The following SEC24D variants were observed in gnomAD, a reference collection of about 807,000 sequenced individuals.
The protein encoded by SEC24D is protein transport protein Sec24D.
In SEC24D, 69 loss-of-function variants were observed where a neutral mutation model predicts 116.9. The observed-to-expected ratio is 0.59, with a 90% CI of 0.49 to 0.72. The LOEUF is 0.72. Ranked by LOEUF, SEC24D falls within the 30% of genes least tolerant of loss-of-function variation. The pLI, the probability that SEC24D is intolerant of heterozygous loss-of-function variation, is 0.00. For synonymous variants in SEC24D, 405 were observed against 442.8 expected (o/e 0.91, Z 1.07); for missense variants, 1,131 against 1,264.1 (o/e 0.89, Z 1.60).
intron 14 of SEC24D, 73 bp downstream of exon 14, chr4:118,744,871 A>T (rs1450800711): frequency 1.3e-6 from 1 of 796,804 alleles, no homozygotes; most frequent in Admixed American, 2.2e-5. Context: ...CTTTTTTCTT[A>T]CATGAAGAAC....
chr4:118,723,843 C>T (rs35602545), intron 22 of SEC24D, among the ~76,000 whole-genome samples, 188 bp from the exon 23 acceptor site: 2 of 152,080 alleles, frequency 1.3e-5, no homozygotes, highest in Non-Finnish European at 2.9e-5. Flanking sequence ...ACCCCAAAAC[C>T]TAAGACATAC....
chr4:118,828,603 G>A (rs1730691898), intron 2 of SEC24D, among the ~76,000 whole-genome samples: 1 of 152,116 alleles, frequency 6.6e-6, no homozygotes. Context: ...CAATGCACAG[G>A]ATGGCACTCT....
intron 13 of SEC24D, among the ~76,000 whole-genome samples, chr4:118,749,825 G>T (rs1726734959): frequency 6.6e-6 from 1 of 152,208 alleles, no homozygotes; most frequent in Non-Finnish European, 1.5e-5. Context: ...TACTTTGCCA[G>T]CAGGGACAGC....
intron 13 of SEC24D, among the ~76,000 whole-genome samples, chr4:118,745,893 G>T (rs567859305): frequency 2.0e-5 from 3 of 152,082 alleles, no homozygotes; most frequent in Admixed American, 2.0e-4. Context: ...GAATCCTGAA[G>T]AGCTGAGCAC....
chr4:118,739,134 T>C lies in SEC24D; in HGVS notation c.2377+15A>G, dbSNP rs374040836. On this transcript the variant is annotated intron_variant, in intron 18 of 22. Transcript: ENST00000280551. Reference sequence around the variant, plus strand: ...AAGCAAGGTTTACTGAACCTCAGGATTGGCAAAGTGTTACCTGACTTGGCA... The same window carrying C: ...AAGCAAGGTTTACTGAACCTCAGGACTGGCAAAGTGTTACCTGACTTGGCA... 5 of 1,612,612 alleles carry C rather than the reference T, an allele frequency of 3.1e-6. No individual in the cohort carries two copies. The highest frequency in any genetic ancestry group is 1.3e-5 in the African/African-American group (1 of 74,880).
chr4:118,835,599 A>T (rs923265978), intron 1 of SEC24D, among the ~76,000 whole-genome samples: 11 of 152,214 alleles, frequency 7.2e-5, no homozygotes, highest in Non-Finnish European at 1.3e-4. Context: ...CCTTCCTTCA[A>T]AAAAGGAAAT....
chr4:118,789,817 C>T (rs1481581019), intron 8 of SEC24D, among the ~76,000 whole-genome samples: 4 of 152,146 alleles, frequency 2.6e-5, no homozygotes, highest in African/African-American at 4.8e-5. Flanking sequence ...ATCTCCTGAC[C>T]TCGTGATCCA....
intron 8 of SEC24D, among the ~76,000 whole-genome samples, chr4:118,790,020 T>G (rs1728827581): frequency 6.6e-6 from 1 of 152,228 alleles, no homozygotes; most frequent in Non-Finnish European, 1.5e-5. Context: ...GTACGAAAGT[T>G]AGCTGCATTC....
chr4:118,810,074 C>CTGTGTGTGTGTGTGTGTGTGTGTGTG (rs71595321), intron 6 of SEC24D, among the ~76,000 whole-genome samples: 2 of 38,620 alleles, frequency 5.2e-5, no homozygotes, highest in Admixed American at 3.1e-4. Flanking sequence ...TCAGAGGTAG[C>CTGTGTGTGTGTGTGTGTGTGTGTGTG]TGTGTGTGTG....
rs184041776 is a variant in SEC24D at position 118,731,010 on chromosome 4, G to C, written c.2868+306C>G. 153 of 331,768 alleles carry C rather than the reference G, an allele frequency of 4.6e-4. 1 individual carries two copies. Among genetic ancestry groups the C allele is most frequent in the African/African-American group, 3.1e-3 (142 of 46,366 alleles). 20.6% of individuals were successfully genotyped at this position (331,768 alleles called of 1,614,324 possible). A position where few individuals can be genotyped will look rare whatever the true frequency, so the allele number is the denominator to read the frequency against. ...GAGACCATATCCATCTCACTGATTT[G>C]TTATGACAATTAACTGAAATGGTAT... On this transcript the variant is annotated intron_variant, in intron 21 of 22. Coordinates refer to ENST00000280551, the MANE Select transcript of SEC24D (RefSeq NM_014822.4).
chr4:118,798,651 G>A (rs765509315), intron 7 of SEC24D, among the ~76,000 whole-genome samples: 1 of 152,192 alleles, frequency 6.6e-6, no homozygotes, highest in Non-Finnish European at 1.5e-5. Context: ...CCTAATAAAA[G>A]TAAATTATAT....
At position 118,828,140 on chromosome 4, in the gene SEC24D, G is replaced by A. The variant is rs143658539; in HGVS notation, c.119-3391C>T. ...TTTTTTTTTTTTGAGACAGAATCTC[G>A]CTCAGTCTCCCAGGCTGGAGTGCAA... On this transcript the variant is annotated intron_variant, in intron 2 of 22. Coordinates refer to ENST00000280551, the MANE Select transcript of SEC24D (RefSeq NM_014822.4). Among the ~76,000 whole-genome samples, 84 of 150,438 alleles carry A rather than the reference G, an allele frequency of 5.6e-4. 1 individual carries two copies. The East Asian group carries it at 0.015, about 27-fold the overall frequency.
chr4:118,740,672 G>C lies in SEC24D; in HGVS notation c.2229C>G (p.Ala743=). Reference sequence around the variant, plus strand: ...ATACACTTTCAATCACCTGGATTAAGGCTCCACTGTCTTCACTGAGTTTGT... The same window carrying C: ...ATACACTTTCAATCACCTGGATTAACGCTCCACTGTCTTCACTGAGTTTGT... ...HDDKLSEDSG[A]LIQCAVLYTT... is the part of the protein sequence containing the mutation. Residue 743 remains alanine (A), a synonymous_variant, in exon 17 of 23, where the codon GCC becomes GCG. Transcript: ENST00000280551. 7.4e-6 allele frequency: 12 copies of C among 1,613,716 alleles called. No homozygotes were observed. The highest frequency in any genetic ancestry group is 1.0e-5 in the Non-Finnish European group (12 of 1,179,752).
rs367602269 is a variant in SEC24D at position 118,753,336 on chromosome 4, T to C, written c.1422-448A>G. On this transcript the variant is annotated intron_variant, in intron 11 of 22. Transcript: ENST00000280551. ...ATTACTAACAGGACAGCTGCTTTTA[T>C]TGAGAAAACACTTGCTCCTCTTCTC... Among the ~76,000 whole-genome samples, 20 of 152,276 alleles carry C rather than the reference T, an allele frequency of 1.3e-4. No homozygotes were observed. The East Asian group carries it at 3.7e-3, about 28-fold the overall frequency.
Position 118,805,855 on chromosome 4 carries a change from T to C in SEC24D, c.901A>G (p.Ile301Val). Residue 301 changes from isoleucine (I) to valine (V), a missense_variant, in exon 7 of 23, where the codon ATA (isoleucine) becomes GTA (valine). Coordinates refer to ENST00000280551, the MANE Select transcript of SEC24D (RefSeq NM_014822.4). ...TAAAAACAAATACCTTGGTCTTGTA[T>C]CATGCAATCTGTAGTGACCAGGGGA... ...IPPLVTTDCM[I>V]QDQGNASPRF... 6.4e-7 allele frequency: 1 copy of C among 1,555,506 alleles called. No homozygotes were observed. Among genetic ancestry groups the C allele is most frequent in the East Asian group, 2.4e-5 (1 of 42,082 alleles).
chr4:118,813,610 G>T (rs562119661), intron 6 of SEC24D, among the ~76,000 whole-genome samples: 1 of 152,078 alleles, frequency 6.6e-6, no homozygotes, highest in Non-Finnish European at 1.5e-5. Context: ...ATCCATGAAC[G>T]GATTAATCCA....
intron 8 of SEC24D, among the ~76,000 whole-genome samples, chr4:118,776,460 T>C (rs1208910715): frequency 6.6e-6 from 1 of 152,140 alleles, no homozygotes; most frequent in East Asian, 1.9e-4. Flanking sequence ...GGAAAATAAA[T>C]ACCAATGCAG....
At chr4:118,784,382 G>C (rs913247862) in intron 8 of SEC24D, among the ~76,000 whole-genome samples, 2 of 152,042 alleles carry the variant, frequency 1.3e-5, no homozygotes, top group African/African-American at 4.8e-5. Context: ...AAGAAATATA[G>C]ACAAAATTAT....
chr4:118,734,455 C>G (rs921450872), intron 19 of SEC24D, among the ~76,000 whole-genome samples: 1 of 151,970 alleles, frequency 6.6e-6, no homozygotes, highest in Non-Finnish European at 1.5e-5. Flanking sequence ...TCAAGCAATC[C>G]GCCCACCTCA....
Sources: allele counts gnomAD v4.1 joint callset (sites outside exome capture counted in the v4.1 genomes callset), GRCh38; gene constraint gnomAD v4.1.1; transcripts MANE v1.5; gene names NCBI Gene and HGNC (gene_info 2026-07-23, HGNC 2026-07-21).